RETREG3: variants seen among roughly 807,000 people sequenced by gnomAD.
The protein encoded by RETREG3 is reticulophagy regulator 3.
RETREG3 carries 23 observed loss-of-function variants against 50.2 expected under a neutral mutation model. The observed-to-expected ratio is 0.46, with a 90% CI of 0.33 to 0.65. The LOEUF (loss-of-function observed/expected upper bound fraction) is 0.65. RETREG3 is among the 30% of genes least tolerant of loss of function. The pLI is 0.02. For missense variants in RETREG3, 546 were observed against 598.0 expected (o/e 0.91, Z 0.91); for synonymous variants, 240 against 234.4 (o/e 1.02, Z -0.22).
intron 4 of RETREG3, 50 bp from the exon 5 acceptor site, chr17:42,586,187 G>C (rs775394680): frequency 4.4e-5 from 70 of 1,578,158 alleles, no homozygotes; most frequent in Non-Finnish European, 5.8e-5. Context: ...GCAGGGGACT[G>C]GGGTGGGTGT....
intron 3 of RETREG3, 183 bp downstream of exon 3, chr17:42,587,651 G>A: frequency 1.5e-6 from 1 of 652,316 alleles, no homozygotes; most frequent in East Asian, 2.8e-5. Context: ...AAAGATCAGA[G>A]GACACAGGCC....
chr17:42,606,713 C>T (rs190094992), intron 1 of RETREG3, among the ~76,000 whole-genome samples: 5 of 152,232 alleles, frequency 3.3e-5, no homozygotes, highest in African/African-American at 1.2e-4. Flanking sequence ...ATTTAAGGCC[C>T]GGTACAGTGC....
Position 42,586,904 on chromosome 17 carries a change from G to C in RETREG3, c.378-13C>G. 1 of 1,612,788 alleles carries C rather than the reference G, an allele frequency of 6.2e-7. No homozygotes were observed. Among genetic ancestry groups the C allele is most frequent in the Non-Finnish European group, 8.5e-7 (1 of 1,179,594 alleles). ...CACAAAGCCCCAGCTATGGGAGAGA[G>C]AAGGGGGAGCTGTGAAAGGAGGGTG... On this transcript the variant is annotated splice_polypyrimidine_tract_variant and intron_variant, in intron 3 of 8. Transcript: ENST00000309428.
chr17:42,605,108 A>C (rs2093165421), intron 1 of RETREG3: 1 of 151,874 alleles, frequency 6.6e-6, no homozygotes, highest in Non-Finnish European at 1.5e-5. Flanking sequence ...AAGTATGAAA[A>C]CCTTGGAATA....
rs1567920142 is a variant in RETREG3 at position 42,582,193 on chromosome 17, C to G, written c.1021G>C (p.Ala341Pro). 6.2e-7 allele frequency: 1 copy of G among 1,613,898 alleles called. No homozygotes were observed. Among genetic ancestry groups the G allele is most frequent in the Non-Finnish European group, 8.5e-7 (1 of 1,180,034 alleles). Residue 341 changes from alanine (A) to proline (P), a missense_variant, in exon 9 of 9, where the codon GCT (alanine) becomes CCT (proline). Physicochemically the swap from Ala to Pro is conservative, Grantham distance 27. Coordinates refer to ENST00000309428, the MANE Select transcript of RETREG3 (RefSeq NM_178126.4). ...PDFPSINMDPAGLDDEDDTSI... is the reference protein window; with the variant it reads ...PDFPSINMDPPGLDDEDDTSI... ...GTGTCGTCCTCATCATCCAGGCCAG[C>G]AGGATCCATATTAATGGAAGGGAAG... is the stretch of plus-strand genomic sequence containing the variant.
chr17:42,586,362 C>A, intron 4 of RETREG3: 1 of 508,818 alleles, frequency 2.0e-6, no homozygotes, highest in Non-Finnish European at 3.5e-6. Flanking sequence ...ACCTTTCCTG[C>A]CAAGAAATTG....
Position 42,581,491 on chromosome 17 carries a change from T to G in RETREG3, c.*322A>C. The G allele has an allele frequency of 7.9e-6, 2 of 252,566 alleles. No homozygotes were observed. Among genetic ancestry groups the G allele is most frequent in the Non-Finnish European group, 1.5e-5 (2 of 132,324 alleles). 15.6% of individuals were successfully genotyped at this position (252,566 alleles called of 1,614,324 possible). Reference sequence around the variant, plus strand: ...GTGAGGGCCCCTGAGCACTCATACCTAAAAGCAAACAGCAGCACCTCCTCA... The same window carrying G: ...GTGAGGGCCCCTGAGCACTCATACCGAAAAGCAAACAGCAGCACCTCCTCA... On this transcript the variant is annotated 3_prime_UTR_variant, in exon 9 of 9. Coordinates refer to ENST00000309428, the MANE Select transcript of RETREG3 (RefSeq NM_178126.4).
chr17:42,592,235 C>T, intron 1 of RETREG3, 73 bp from the exon 2 acceptor site: 3 of 1,237,928 alleles, frequency 2.4e-6, no homozygotes, highest in Non-Finnish European at 2.3e-6. Context: ...CACGTGTGTA[C>T]GATGGGCTCT....
chr17:42,607,499 C>CAAAAAA (rs34542887), intron 1 of RETREG3, among the ~76,000 whole-genome samples: 3 of 46,938 alleles, frequency 6.4e-5, no homozygotes, highest in Non-Finnish European at 1.1e-4. Flanking sequence ...GACCTTGTCT[C>CAAAAAA]AAAAAAAAAA....
At chr17:42,608,189 T>TA (rs1365805503) in intron 1 of RETREG3, among the ~76,000 whole-genome samples, 2 of 152,214 alleles carry the variant, frequency 1.3e-5, no homozygotes, top group Non-Finnish European at 2.9e-5. Context: ...AAGCCCCCTA[T>TA]AAGTCAGTTC....
intron 5 of RETREG3, 44 bp from the exon 6 acceptor site, chr17:42,585,306 T>A: frequency 6.2e-7 from 1 of 1,603,868 alleles, no homozygotes; most frequent in Non-Finnish European, 8.5e-7. Flanking sequence ...GAGAAGGGGC[T>A]GCAAAAAACA....
chr17:42,609,091 A>G lies in RETREG3; in HGVS notation c.234T>C (p.Ala78=). 1 of 1,605,510 alleles carries G rather than the reference A, an allele frequency of 6.2e-7. No homozygotes were observed. The highest frequency in any genetic ancestry group is 8.5e-7 in the Non-Finnish European group (1 of 1,179,690). ...CGAGGGTCCAGTTCTCTCACCAGAA[A>G]GCCGCGTTCAGCCCCAGGCACCACA... is the stretch of plus-strand genomic sequence containing the variant. ...SALWCLGLNA[A]FWFFALTSLR... Residue 78 remains alanine, a synonymous_variant, in exon 1 of 9, where the codon GCT becomes GCC. Transcript: ENST00000309428.
chr17:42,582,584 G>A (rs2093111816), intron 8 of RETREG3, 90 bp downstream of exon 8: 1 of 1,555,042 alleles, frequency 6.4e-7, no homozygotes. Flanking sequence ...GAAAACAGGA[G>A]AGGGGCAAGC....
At chr17:42,597,265 T>C (rs1567925115) in intron 1 of RETREG3, among the ~76,000 whole-genome samples, 1 of 149,276 alleles carries the variant, frequency 6.7e-6, no homozygotes, top group African/African-American at 2.5e-5. Context: ...CTTGGCTCAC[T>C]GCAACCTCTG....
chr17:42,586,226 A>G, intron 4 of RETREG3, 89 bp from the exon 5 acceptor site: 2 of 1,205,618 alleles, frequency 1.7e-6, no homozygotes, highest in African/African-American at 1.5e-5. Context: ...TATGACAGAA[A>G]GACTCTGTAA....
chr17:42,606,387 G>A lies in RETREG3; in HGVS notation c.239+2699C>T, dbSNP rs138830506. On this transcript the variant is annotated intron_variant, in intron 1 of 8. Transcript: ENST00000309428. ...CCCCTCCTCGCAGATCACGAGGTCA[G>A]GAGATTGAGACCATCCTGGCTAACA... Among the ~76,000 whole-genome samples, 23 of 150,562 alleles carry A rather than the reference G, an allele frequency of 1.5e-4. No homozygotes were observed. In the East Asian group the frequency reaches 4.5e-3, roughly 30 times the overall value.
At chr17:42,608,410 A>G (rs1404767508) in intron 1 of RETREG3, among the ~76,000 whole-genome samples, 1 of 152,208 alleles carries the variant, frequency 6.6e-6, no homozygotes, top group Non-Finnish European at 1.5e-5. Flanking sequence ...CCTTGCCTAT[A>G]AACCATGGCT....
intron 1 of RETREG3, among the ~76,000 whole-genome samples, chr17:42,594,064 G>C (rs373896339): frequency 2.7e-4 from 41 of 152,292 alleles, no homozygotes; most frequent in African/African-American, 9.4e-4. Flanking sequence ...ATGGTGGCGC[G>C]CTTGCGGTCC....
rs767090612 is a variant in RETREG3, at chr17:42,581,933, C to T, written c.1281G>A (p.Thr427=). 1.7e-5 allele frequency: 28 copies of T among 1,614,030 alleles called. No individual in the cohort carries two copies. Among genetic ancestry groups the T allele is most frequent in the Admixed American group, 5.0e-5 (3 of 60,004 alleles). The change falls in exon 9 of 9, where the codon ACG becomes ACA. Residue 427 remains threonine, a synonymous_variant. Transcript: ENST00000309428. ...AACTGGGGGACCGGAGGAAGCCTCT[C>T]GTTGCTCTCTGGGCAGGTGCTCCAG... ...GPSGAPAQRA[T]RGFLRSPSSD...
Sources: allele counts gnomAD v4.1 joint callset (sites outside exome capture counted in the v4.1 genomes callset), GRCh38; gene constraint gnomAD v4.1.1; transcripts MANE v1.5; gene names NCBI Gene and HGNC (gene_info 2026-07-23, HGNC 2026-07-21).